The following CDH18 variants were observed in gnomAD, a reference collection of about 807,000 sequenced individuals.
CDH18 encodes cadherin-18.
CDH18 carries 31 observed loss-of-function variants against 67.9 expected under a neutral mutation model. The observed-to-expected ratio is 0.46, with a 90% CI of 0.34 to 0.62. CDH18 has a LOEUF of 0.62. Ranked by LOEUF, CDH18 falls within the 20% of genes least tolerant of loss-of-function variation. CDH18 has a pLI of 0.01. For missense variants in CDH18, 890 were observed against 975.5 expected, an observed-to-expected ratio of 0.91 and a Z score of 1.17; for synonymous variants, 362 against 347.2, an observed-to-expected ratio of 1.04 and a Z score of -0.48.
At chr5:20,098,280 T>C (rs1746160072) in intron 2 of CDH18, among the ~76,000 whole-genome samples, 1 of 152,120 alleles carries the variant, frequency 6.6e-6, no homozygotes, top group African/African-American at 2.4e-5. Flanking sequence ...TAAATGCTTC[T>C]TTATTTAAAT....
intron 1 of CDH18, among the ~76,000 whole-genome samples, chr5:20,547,913 TATAAA>T (rs1265934961): frequency 2.0e-5 from 3 of 151,968 alleles, no homozygotes; most frequent in Admixed American, 1.3e-4. Context: ...AGATATAAAA[TATAAA>T]ATAAGAAAAA....
intron 1 of CDH18, among the ~76,000 whole-genome samples, chr5:20,326,576 T>A (rs1472767470): frequency 6.6e-6 from 1 of 150,824 alleles, no homozygotes; most frequent in African/African-American, 2.4e-5. Context: ...TCTCGCTCTG[T>A]CGCCCAGGCT....
chr5:20,198,663 T>C (rs1739187323), intron 2 of CDH18, among the ~76,000 whole-genome samples: 1 of 152,182 alleles, frequency 6.6e-6, no homozygotes, highest in South Asian at 2.1e-4. Flanking sequence ...AGCCATAGGC[T>C]AATCACCAAG....
chr5:19,866,064 C>G (rs577728962), intron 2 of CDH18, among the ~76,000 whole-genome samples: 1 of 151,944 alleles, frequency 6.6e-6, no homozygotes, highest in Admixed American at 6.6e-5. Flanking sequence ...ACAACAACAA[C>G]AAAAGCCCTG....
intron 1 of CDH18, among the ~76,000 whole-genome samples, chr5:20,258,918 A>AT (rs1744442992): frequency 6.6e-6 from 1 of 152,100 alleles, no homozygotes; most frequent in South Asian, 2.1e-4. Flanking sequence ...TAAAACCTTG[A>AT]TTTTTGCTAG....
intron 2 of CDH18, among the ~76,000 whole-genome samples, chr5:19,930,337 CAT>C (rs781435486): frequency 3.3e-5 from 5 of 151,808 alleles, no homozygotes; most frequent in South Asian, 2.1e-4. Flanking sequence ...CAAGGAGAAA[CAT>C]ATGTGTACAC....
intron 2 of CDH18, among the ~76,000 whole-genome samples, chr5:20,204,975 A>G (rs1280943261): frequency 1.3e-5 from 2 of 151,968 alleles, no homozygotes; most frequent in Non-Finnish European, 1.5e-5. Flanking sequence ...AACCACAAAG[A>G]AAAACAGTAA....
At chr5:19,589,379 C>T (rs1435879070) in intron 7 of CDH18, among the ~76,000 whole-genome samples, 1 of 152,034 alleles carries the variant, frequency 6.6e-6, no homozygotes, top group African/African-American at 2.4e-5. Context: ...ATGCTTGTTT[C>T]TTAAACAATC....
intron 5 of CDH18, among the ~76,000 whole-genome samples, chr5:19,691,379 T>A (rs1196851986): frequency 6.6e-6 from 1 of 151,746 alleles, no homozygotes; most frequent in East Asian, 1.9e-4. Context: ...TAGTACTAAA[T>A]GACCTAGCCA....
At chr5:20,511,293 T>C (rs146266593) in intron 1 of CDH18, among the ~76,000 whole-genome samples, 3 of 152,194 alleles carry the variant, frequency 2.0e-5, no homozygotes, top group African/African-American at 7.2e-5. Context: ...GTATAGAAAG[T>C]ACTAACAATC....
chr5:20,220,355 T>C, intron 2 of CDH18, among the ~76,000 whole-genome samples: 1 of 151,996 alleles, frequency 6.6e-6, no homozygotes, highest in Non-Finnish European at 1.5e-5. Flanking sequence ...TTGACAAAGT[T>C]GTCAAAAACA....
chr5:20,290,017 T>C (rs1746989524), intron 1 of CDH18, among the ~76,000 whole-genome samples: 1 of 152,136 alleles, frequency 6.6e-6, no homozygotes, highest in Non-Finnish European at 1.5e-5. Context: ...AGAAGTAACA[T>C]AATCACACAA....
At chr5:20,112,831 T>G (rs527661317) in intron 2 of CDH18, among the ~76,000 whole-genome samples, 1 of 152,366 alleles carries the variant, frequency 6.6e-6, no homozygotes, top group African/African-American at 2.4e-5. Flanking sequence ...GCTAAAATTT[T>G]GATTTTGAAA....
chr5:19,874,418 T>C (rs929350234), intron 2 of CDH18, among the ~76,000 whole-genome samples: 4 of 151,984 alleles, frequency 2.6e-5, no homozygotes, highest in Non-Finnish European at 2.9e-5. Flanking sequence ...TTTATGAAAC[T>C]ATAACAAAGC....
At chr5:19,953,581 T>G (rs1410650231) in intron 2 of CDH18, among the ~76,000 whole-genome samples, 1 of 152,010 alleles carries the variant, frequency 6.6e-6, no homozygotes, top group Non-Finnish European at 1.5e-5. Context: ...CAGACAAGAC[T>G]TAAAAAGTAA....
At chr5:20,052,483 GA>G (rs539759814) in intron 2 of CDH18, among the ~76,000 whole-genome samples, 1 of 151,884 alleles carries the variant, frequency 6.6e-6, no homozygotes, top group East Asian at 1.9e-4. Flanking sequence ...ATTTATATCA[GA>G]AAAAAGGTAC....
chr5:19,689,250 C>G (rs959923842), intron 5 of CDH18, among the ~76,000 whole-genome samples: 10 of 151,814 alleles, frequency 6.6e-5, no homozygotes, highest in Admixed American at 6.6e-4. Flanking sequence ...AATGCAAATA[C>G]AAATAGAAAA....
At chr5:20,042,416 C>T (rs1338751106) in intron 2 of CDH18, among the ~76,000 whole-genome samples, 1 of 152,154 alleles carries the variant, frequency 6.6e-6, no homozygotes, top group African/African-American at 2.4e-5. Context: ...ATTTAGCTAT[C>T]TCATTGTGCA....
At position 20,461,994 on chromosome 5, in the gene CDH18, T is replaced by C. The variant is rs150015343; in HGVS notation, c.-580+113468A>G. Among the ~76,000 whole-genome samples the C allele has an allele frequency of 8.9e-4, 135 of 152,318 alleles. 1 individual carries two copies. Among genetic ancestry groups the C allele is most frequent in the African/African-American group, 3.2e-3 (134 of 41,568 alleles). On this transcript the variant is annotated intron_variant, in intron 1 of 14. Coordinates refer to the CDH18 transcript ENST00000507958. The stretch of plus-strand genomic sequence containing the variant: ...AAACACTAAAAATAGAACTTCCATA[T>C]AATCCAGCAATGTCACTACTGGGTA...
Sources: allele counts gnomAD v4.1 joint callset (sites outside exome capture counted in the v4.1 genomes callset), GRCh38; gene constraint gnomAD v4.1.1; transcripts MANE v1.5; gene names NCBI Gene and HGNC (gene_info 2026-07-23, HGNC 2026-07-21).